The following RFX2 variants were observed in gnomAD, a reference collection of about 807,000 sequenced individuals.
RFX2 encodes DNA-binding protein RFX2.
A neutral mutation model predicts 87.8 loss-of-function variants in RFX2; 20 were observed. The observed-to-expected ratio is 0.23, with a 90% confidence interval of 0.16 to 0.33. The LOEUF (loss-of-function observed/expected upper bound fraction) is 0.33, where lower values mean the gene tolerates loss of function less well. RFX2 is among the 10% of genes least tolerant of loss of function. The pLI is 1.00. For synonymous variants in RFX2, 397 were observed against 431.3 expected (o/e 0.92, Z 0.98); for missense variants, 767 against 1,012.3 (o/e 0.76, Z 3.29).
rs2086673567 is a variant in RFX2, at chr19:6,012,547, A to G, written c.899+439T>C. Among the ~76,000 whole-genome samples the G allele has an allele frequency of 6.6e-6, 1 of 151,978 alleles. No homozygotes were observed. The highest frequency in any genetic ancestry group is 2.1e-4 in the South Asian group (1 of 4,820). ...TGTCGAATGTACAACACCAAGAGTG[A>G]GCCCTGATGTTGACTGTGGACTCTG... On this transcript the variant is annotated intron_variant, in intron 8 of 17. Coordinates refer to ENST00000303657, the MANE Select transcript of RFX2 (RefSeq NM_000635.4). This position sits in a 1 kb window ranked among gnomAD's most constrained non-coding sequence, Gnocchi z 4.6.
intron 1 of RFX2, among the ~76,000 whole-genome samples, chr19:6,092,806 C>T (rs1050612072): frequency 1.3e-5 from 2 of 152,136 alleles, no homozygotes; most frequent in African/African-American, 2.4e-5. Flanking sequence ...AGTGTGCATT[C>T]TCCTGGAGGG....
At position 6,093,867 on chromosome 19, in the gene RFX2, T is replaced by G. The variant is rs1352164325; in HGVS notation, c.-9+16526A>C. Among the ~76,000 whole-genome samples the G allele has an allele frequency of 3.3e-5, 5 of 152,250 alleles. No individual in the cohort carries two copies. In the East Asian group the frequency reaches 9.6e-4, roughly 29 times the overall value. The stretch of plus-strand genomic sequence containing the variant: ...AAGGCTACTTACTATATGATTCCAT[T>G]TTCATGAAGTTTCCAGAACAGGCAA... On this transcript the variant is annotated intron_variant, in intron 1 of 17. Transcript: ENST00000303657.
At chr19:6,015,689 T>C (rs2086717204) in intron 7 of RFX2, among the ~76,000 whole-genome samples, 1 of 152,012 alleles carries the variant, frequency 6.6e-6, no homozygotes, top group Non-Finnish European at 1.5e-5. Flanking sequence ...TTTGTAGAGA[T>C]GAGGTCTTGC....
At position 5,997,200 on chromosome 19, in the gene RFX2, G is replaced by T. The variant is rs1393448632; in HGVS notation, c.1873C>A (p.Arg625=). 3 of 1,611,054 alleles carry T rather than the reference G, an allele frequency of 1.9e-6. No individual in the cohort carries two copies. The Admixed American group carries it at 5.0e-5, about 27-fold the overall frequency. ...KWSFYSSMVI[R]DLTLRSAASF... ...GCAGCGCTGCGCAGGGTCAGGTCCC[G>T]GATCACCATGGAGCTGGGGACAAGC... The change falls in exon 16 of 18, where the codon CGG becomes AGG. Residue 625 remains arginine (R), a synonymous_variant. Transcript: ENST00000303657. The surrounding 1 kb of genome is among the most constrained non-coding windows in gnomAD (Gnocchi z 4.2).
At chr19:6,033,824 C>G (rs1405627870) in intron 5 of RFX2, among the ~76,000 whole-genome samples, 3 of 151,974 alleles carry the variant, frequency 2.0e-5, no homozygotes, top group Non-Finnish European at 4.4e-5. Flanking sequence ...AAAGGGAACT[C>G]TATGAAGTTT....
Position 6,040,123 on chromosome 19 carries a change from C to T in RFX2, c.379G>A (p.Val127Ile). The change falls in exon 5 of 18, where the codon GTC becomes ATC. Residue 127 changes from valine (V) to isoleucine (I), a missense_variant. Around this residue, in one of 2 missense-constraint regions of RFX2, gnomAD observed 621 missense variants for 873.0 expected, o/e 0.71. Coordinates refer to ENST00000303657, the MANE Select transcript of RFX2 (RefSeq NM_000635.4). The surrounding 1 kb of genome is among the most constrained non-coding windows in gnomAD (Gnocchi z 6.1). ...ATGCCCACCATGCTGTGGGAGGGGA[C>T]CGCTGGCGGGGACGAGGCTGCCACG... The part of the protein sequence containing the change: ...VTVAASSPPA[V>I]PSHSMVGITM... 6.2e-7 allele frequency: 1 copy of T among 1,610,464 alleles called. No homozygotes were observed. Among genetic ancestry groups the T allele is most frequent in the Non-Finnish European group, 8.5e-7 (1 of 1,178,236 alleles).
intron 1 of RFX2, among the ~76,000 whole-genome samples, chr19:6,054,819 GA>G (rs773987968): frequency 4.6e-5 from 7 of 152,142 alleles, no homozygotes; most frequent in Non-Finnish European, 8.8e-5. Context: ...AGGTTTCTTA[GA>G]ATGCACAAAT....
At chr19:6,085,377 T>C (rs1459821913) in intron 1 of RFX2, among the ~76,000 whole-genome samples, 3 of 152,264 alleles carry the variant, frequency 2.0e-5, no homozygotes, top group African/African-American at 7.2e-5. Context: ...TGATAACTGG[T>C]ATGAAGCACC....
At chr19:6,073,511 C>A (rs1406845619) in intron 1 of RFX2, 2 of 734,730 alleles carry the variant, frequency 2.7e-6, no homozygotes, top group East Asian at 3.6e-5. Context: ...TGCCAGGCTG[C>A]GCAGTGAAGA....
At chr19:6,077,048 A>G (rs637094) in intron 1 of RFX2, 37,699 of 152,146 alleles carry the variant, frequency 0.25, 8,773 homozygotes, top group African/African-American at 0.62. Flanking sequence ...AGACCTCGGT[A>G]CACACAGAAC....
chr19:6,027,574 G>A lies in RFX2; in HGVS notation c.523-1337C>T, dbSNP rs1008594373. On this transcript the variant is annotated intron_variant, in intron 5 of 17. Transcript: ENST00000303657. The surrounding 1 kb of genome is among the most constrained non-coding windows in gnomAD (Gnocchi z 5.0). ...CATCGCTCACCTATGGGTGCCGGGAGAGCAGAGTGCATGACCTCTGGAAGT... is the reference window on the plus strand; with the variant it reads ...CATCGCTCACCTATGGGTGCCGGGAAAGCAGAGTGCATGACCTCTGGAAGT... Among the ~76,000 whole-genome samples, 1 of 152,230 alleles carries A rather than the reference G, an allele frequency of 6.6e-6. No individual in the cohort carries two copies. The highest frequency in any genetic ancestry group is 6.5e-5 in the Admixed American group (1 of 15,282).
chr19:6,045,872 A>G lies in RFX2; in HGVS notation c.90+1535T>C, dbSNP rs1216801663. ...TATTATTATTTTTTGTATTTAGTAG[A>G]CACAGGGTTTCACCATGTTACTCAG... is the stretch of plus-strand genomic sequence containing the variant. On this transcript the variant is annotated intron_variant, in intron 2 of 17. Transcript: ENST00000303657. The surrounding 1 kb of genome is among the most constrained non-coding windows in gnomAD (Gnocchi z 5.2). 2.0e-5 allele frequency among the ~76,000 whole-genome samples: 3 copies of G among 152,034 alleles called. No homozygotes were observed. The highest frequency in any genetic ancestry group is 4.8e-5 in the African/African-American group (2 of 41,402).
intron 2 of RFX2, among the ~76,000 whole-genome samples, chr19:6,046,915 C>T (rs1343954386): frequency 6.6e-6 from 1 of 151,250 alleles, no homozygotes; most frequent in Non-Finnish European, 1.5e-5. Flanking sequence ...AGGTGCAGCC[C>T]ACCACGCTTG....
rs575223830 is a variant in RFX2, at chr19:6,084,332, C to A, written c.-9+26061G>T. ...AGTAATGCTGGGAAATATGACGAGT[C>A]AATTACTCTTTATCATTAATTGTGG... On this transcript the variant is annotated intron_variant, in intron 1 of 17. Coordinates refer to ENST00000303657, the MANE Select transcript of RFX2 (RefSeq NM_000635.4). Among the ~76,000 whole-genome samples the A allele has an allele frequency of 4.6e-5, 7 of 152,302 alleles. No individual in the cohort carries two copies. In the South Asian group the frequency reaches 1.2e-3, roughly 27 times the overall value.
In RFX2 at chr19:6,044,334, A is replaced by C. The variant is rs1209017409; in HGVS notation, c.91-52T>G. The C allele has an allele frequency of 8.8e-7, 1 of 1,133,880 alleles. No homozygotes were observed. Among genetic ancestry groups the C allele is most frequent in the Non-Finnish European group, 1.2e-6 (1 of 821,470 alleles). The allele number at this position is 1,133,880 out of a possible 1,614,324, so 70.2% of individuals were successfully genotyped here. A position where few individuals can be genotyped will look rare whatever the true frequency, so the allele number is the denominator to read the frequency against. On this transcript the variant is annotated intron_variant, in intron 2 of 17. Transcript: ENST00000303657. The surrounding 1 kb of genome is among the most constrained non-coding windows in gnomAD (Gnocchi z 5.3). ...TTAGACTTGTCAGAGGTCAGTGCTG[A>C]GGATACACACAGAATGTAAGATGCT...
rs566806438 is a variant in RFX2, at chr19:5,998,484, G to A, written c.1860-1271C>T. 1.3e-5 allele frequency among the ~76,000 whole-genome samples: 2 copies of A among 152,300 alleles called. No individual in the cohort carries two copies. The highest frequency in any genetic ancestry group is 1.9e-4 in the East Asian group (1 of 5,184). On this transcript the variant is annotated intron_variant, in intron 15 of 17. Coordinates refer to ENST00000303657, the MANE Select transcript of RFX2 (RefSeq NM_000635.4). The surrounding 1 kb of genome is among the most constrained non-coding windows in gnomAD (Gnocchi z 4.2). ...CTGTTACGTCTAATCGGTATCGAGC[G>A]ATAAAAAGAAGACACAGGCTTGAGA...
chr19:6,107,238 G>C (rs1439473169), intron 1 of RFX2, among the ~76,000 whole-genome samples: 2 of 151,868 alleles, frequency 1.3e-5, no homozygotes, highest in African/African-American at 4.8e-5. Context: ...GGAGCTTGCA[G>C]TGAGCCGAGA....
Position 6,040,167 on chromosome 19 carries a change from G to C in RFX2, c.335C>G (p.Pro112Arg), listed in dbSNP as rs2087087899. Residue 112 changes from proline (P) to arginine (R), a missense_variant, in exon 5 of 18, where the codon CCA becomes CGA. By Grantham distance (103) the Pro-to-Arg change is moderately radical. Around this residue, in one of 2 missense-constraint regions of RFX2, gnomAD observed 621 missense variants for 873.0 expected, o/e 0.71. Coordinates refer to ENST00000303657, the MANE Select transcript of RFX2 (RefSeq NM_000635.4). This position sits in a 1 kb window ranked among gnomAD's most constrained non-coding sequence, Gnocchi z 6.1. ...PSSTASYFEA[P>R]GGAQVTVAAS... Reference sequence around the variant, plus strand: ...TGCCACGGTCACCTGGGCACCGCCTGGGGCCTCGAAGTAAGAAGCCGTGCT... The same window carrying C: ...TGCCACGGTCACCTGGGCACCGCCTCGGGCCTCGAAGTAAGAAGCCGTGCT... 6.2e-7 allele frequency: 1 copy of C among 1,600,416 alleles called. No homozygotes were observed. Among genetic ancestry groups the C allele is most frequent in the Non-Finnish European group, 8.5e-7 (1 of 1,169,772 alleles).
At chr19:6,070,366 A>G (rs2087589107) in intron 1 of RFX2, among the ~76,000 whole-genome samples, 2 of 151,846 alleles carry the variant, frequency 1.3e-5, no homozygotes, top group Admixed American at 6.6e-5. Context: ...AGGTGACACC[A>G]AGTCATAGTC....
Sources: allele counts gnomAD v4.1 joint callset (sites outside exome capture counted in the v4.1 genomes callset), GRCh38; gene constraint gnomAD v4.1.1; regional missense constraint gnomAD v4.1.1; non-coding constraint Gnocchi (gnomAD v3.1); transcripts MANE v1.5; gene names NCBI Gene and HGNC (gene_info 2026-07-23, HGNC 2026-07-21).